AP3S1: variants seen among roughly 807,000 people sequenced by gnomAD.
The protein encoded by AP3S1 is AP-3 complex subunit sigma-1.
AP3S1 carries 12 observed loss-of-function variants against 21.3 expected under a neutral mutation model. The observed-to-expected ratio is 0.56, with a 90% CI of 0.36 to 0.91. AP3S1 has a LOEUF of 0.91. Ranked by LOEUF, AP3S1 falls within the 40% of genes least tolerant of loss-of-function variation. The pLI is 0.01. For missense variants in AP3S1, 116 were observed against 225.0 expected, an observed-to-expected ratio of 0.52 and a Z score of 3.10; for synonymous variants, 48 against 78.4, an observed-to-expected ratio of 0.61 and a Z score of 2.05.
chr5:115,861,189 A>G (rs570566402), intron 1 of AP3S1, among the ~76,000 whole-genome samples: 7 of 152,230 alleles, frequency 4.6e-5, no homozygotes, highest in Non-Finnish European at 1.0e-4. Context: ...AAGACTTCAT[A>G]GAAGTCATAA....
intron 2 of AP3S1, 150 bp downstream of exon 2, chr5:115,866,911 A>G (rs999620735): frequency 2.3e-6 from 1 of 428,080 alleles, no homozygotes. Flanking sequence ...AATCTAACTT[A>G]AAGAATTATT....
intron 1 of AP3S1, among the ~76,000 whole-genome samples, chr5:115,845,043 T>C (rs1761957448): frequency 6.6e-6 from 1 of 152,244 alleles, no homozygotes; most frequent in Non-Finnish European, 1.5e-5. Flanking sequence ...TCTCTTAAAA[T>C]GTAGTCCTTC....
At chr5:115,874,792 G>A (rs1245729022) in intron 3 of AP3S1, among the ~76,000 whole-genome samples, 1 of 151,520 alleles carries the variant, frequency 6.6e-6, no homozygotes, top group East Asian at 1.9e-4. Context: ...TTACATGCTT[G>A]TTTCAACATG....
At chr5:115,892,531 T>C (rs974393569) in intron 3 of AP3S1, among the ~76,000 whole-genome samples, 2 of 152,192 alleles carry the variant, frequency 1.3e-5, no homozygotes, top group African/African-American at 2.4e-5. Flanking sequence ...GAGATCTTTA[T>C]GTTAAGTGAA....
intron 2 of AP3S1, among the ~76,000 whole-genome samples, chr5:115,868,190 C>T (rs373060550): frequency 1.3e-5 from 2 of 152,070 alleles, no homozygotes; most frequent in African/African-American, 4.8e-5. Flanking sequence ...ATGTACTTGC[C>T]GCATTAATAT....
intron 3 of AP3S1, among the ~76,000 whole-genome samples, chr5:115,889,835 T>C (rs1040746755): frequency 2.0e-5 from 3 of 151,646 alleles, no homozygotes; most frequent in African/African-American, 7.3e-5. Flanking sequence ...AAAAGACCAA[T>C]AGAAAATGAG....
chr5:115,850,556 A>G (rs959394105), intron 1 of AP3S1, among the ~76,000 whole-genome samples: 3 of 152,026 alleles, frequency 2.0e-5, no homozygotes, highest in Admixed American at 6.6e-5. Context: ...ACACCATTCT[A>G]CTTTGTGTCT....
intron 3 of AP3S1, among the ~76,000 whole-genome samples, chr5:115,879,091 T>A (rs1045870866): frequency 2.0e-5 from 3 of 152,176 alleles, no homozygotes; most frequent in African/African-American, 7.2e-5. Flanking sequence ...CTTCAGGAGA[T>A]TTTGGGCTGA....
At chr5:115,864,758 G>A (rs976101516) in intron 1 of AP3S1, among the ~76,000 whole-genome samples, 1 of 152,218 alleles carries the variant, frequency 6.6e-6, no homozygotes, top group Non-Finnish European at 1.5e-5. Flanking sequence ...AAATCTAAGA[G>A]CGCATAGCAC....
chr5:115,842,457 C>G (rs1761669772), intron 1 of AP3S1: 1 of 202,868 alleles, frequency 4.9e-6, no homozygotes. Flanking sequence ...GCCCAGTCCC[C>G]AAGAGCCCAC....
intron 1 of AP3S1, among the ~76,000 whole-genome samples, chr5:115,854,775 T>G (rs1762680025): frequency 1.3e-5 from 2 of 152,068 alleles, no homozygotes; most frequent in African/African-American, 4.8e-5. Flanking sequence ...GCCCTTCATG[T>G]AACTTCATAC....
intron 1 of AP3S1, among the ~76,000 whole-genome samples, chr5:115,862,040 C>G (rs1027489704): frequency 7.9e-5 from 12 of 151,864 alleles, no homozygotes; most frequent in African/African-American, 2.9e-4. Context: ...GGTTCTTTAA[C>G]TTACTTTTTA....
chr5:115,910,566 C>G (rs551749883), intron 5 of AP3S1, among the ~76,000 whole-genome samples: 4 of 151,688 alleles, frequency 2.6e-5, no homozygotes, highest in Non-Finnish European at 5.9e-5. Context: ...TGTCAGCAAA[C>G]TGATTGCCTA....
At chr5:115,883,607 G>A (rs758756584) in intron 3 of AP3S1, among the ~76,000 whole-genome samples, 28 of 152,322 alleles carry the variant, frequency 1.8e-4, no homozygotes, top group Non-Finnish European at 3.1e-4. Context: ...CGCCTTCTGC[G>A]TTGATCTCGC....
intron 5 of AP3S1, chr5:115,906,927 A>T: frequency 2.1e-6 from 3 of 1,445,622 alleles, no homozygotes; most frequent in Non-Finnish European, 2.7e-6. Flanking sequence ...AAAGGCAATT[A>T]ATTATTTAGG....
At chr5:115,864,026 A>C (rs1763408276) in intron 1 of AP3S1, among the ~76,000 whole-genome samples, 1 of 152,202 alleles carries the variant, frequency 6.6e-6, no homozygotes, top group African/African-American at 2.4e-5. Context: ...ATCTACCACA[A>C]AAGATATTTT....
In AP3S1 at chr5:115,874,997, G is replaced by A. The variant is rs139817473; in HGVS notation, c.273+4869G>A. On this transcript the variant is annotated intron_variant, in intron 3 of 5. Coordinates refer to ENST00000316788, the MANE Select transcript of AP3S1 (RefSeq NM_001284.4). ...ACCAATTCACAGAGTAGGTGTGAGC[G>A]TTAAAAAAAGATATTTCATGTGAAA... Among the ~76,000 whole-genome samples the A allele has an allele frequency of 4.6e-4, 70 of 151,990 alleles. 1 individual carries two copies. In the East Asian group the frequency reaches 6.0e-3, roughly 13 times the overall value.
rs188971454 is a variant in AP3S1, at chr5:115,872,302, C to A, written c.273+2174C>A. Reference sequence around the variant, plus strand: ...GTCTCAAAAAAAATAGAAATAAAAACATTGTTAATAAAATAAAAAAGGAGA... The same window carrying A: ...GTCTCAAAAAAAATAGAAATAAAAAAATTGTTAATAAAATAAAAAAGGAGA... On this transcript the variant is annotated intron_variant, in intron 3 of 5. Coordinates refer to ENST00000316788, the MANE Select transcript of AP3S1 (RefSeq NM_001284.4). Among the ~76,000 whole-genome samples, 34 of 152,048 alleles carry A rather than the reference C, an allele frequency of 2.2e-4. 1 individual carries two copies. In the East Asian group the frequency reaches 6.6e-3, roughly 29 times the overall value.
chr5:115,868,490 C>G (rs1747896380), intron 2 of AP3S1, among the ~76,000 whole-genome samples: 1 of 151,604 alleles, frequency 6.6e-6, no homozygotes, highest in African/African-American at 2.4e-5. Flanking sequence ...TGTCAAAGAT[C>G]ATTTCTCCTT....
Sources: allele counts gnomAD v4.1 joint callset (sites outside exome capture counted in the v4.1 genomes callset), GRCh38; gene constraint gnomAD v4.1.1; transcripts MANE v1.5; gene names NCBI Gene and HGNC (gene_info 2026-07-23, HGNC 2026-07-21).